The following VWF variants were observed in gnomAD, a reference collection of about 807,000 sequenced individuals.
VWF encodes the protein Factor VIII related antigen.
In VWF, 176 loss-of-function variants were observed where a neutral mutation model predicts 308.6. The ratio of observed to expected loss-of-function variants is 0.57; its 90% CI spans 0.50 to 0.65. The LOEUF (loss-of-function observed/expected upper bound fraction) is 0.65. VWF is among the 30% of genes least tolerant of loss of function. VWF has a pLI of 0.00. For synonymous variants in VWF, 1,385 were observed against 1,443.4 expected (o/e 0.96, Z 0.92); for missense variants, 3,146 against 3,648.2 (o/e 0.86, Z 3.55).
chr12:6,030,817 C>A (rs1217862311), intron 21 of VWF, among the ~76,000 whole-genome samples: 3 of 152,138 alleles, frequency 2.0e-5, no homozygotes, highest in African/African-American at 7.2e-5. Flanking sequence ...CACCTGGGGT[C>A]TGGAGTTCGA....
intron 28 of VWF, among the ~76,000 whole-genome samples, chr12:6,017,873 G>A (rs1944080334): frequency 6.6e-6 from 1 of 152,138 alleles, no homozygotes; most frequent in Non-Finnish European, 1.5e-5. Context: ...AGTGTCTGAA[G>A]ACTGCACCTG....
At chr12:5,980,257 T>TAGGGAGGGAGGGAGGA (rs1943590979) in intron 42 of VWF, among the ~76,000 whole-genome samples, 2 of 45,826 alleles carry the variant, frequency 4.4e-5, no homozygotes, top group African/African-American at 1.7e-4. Context: ...GGAAGTGACG[T>TAGGGAGGGAGGGAGGA]AGGGAGGGAG....
intron 48 of VWF, 129 bp from the exon 49 acceptor site, chr12:5,952,648 T>C (rs757414402): frequency 1.7e-5 from 22 of 1,307,746 alleles, no homozygotes; most frequent in Non-Finnish European, 2.2e-5. Context: ...AGACAGTGTA[T>C]AATAAAGCCC....
chr12:6,092,620 T>TGAGAGAGAGAGAGAGAGAGAGAGAGA (rs1250915385), intron 6 of VWF, among the ~76,000 whole-genome samples: 12 of 89,696 alleles, frequency 1.3e-4, no homozygotes, highest in African/African-American at 6.0e-4. Flanking sequence ...TGAGTGAGAG[T>TGAGAGAGAGAGAGAGAGAGAGAGAGA]GTGTGTGTGT....
rs758991219 is a variant in VWF, at chr12:6,019,630, G to C, written c.3788C>G (p.Ser1263Trp). Residue 1263 changes from serine (S) to tryptophan (W), a missense_variant, in exon 28 of 52, where the codon TCG becomes TGG. Physicochemically the swap from Ser to Trp is radical, Grantham distance 177. Coordinates refer to ENST00000261405, the MANE Select transcript of VWF (RefSeq NM_000552.5). This position sits in a 1 kb window ranked among gnomAD's most constrained non-coding sequence, Gnocchi z 5.8. ...SPTTLYVEDI[S>W]EPPLHDFYCS... ...GTAGAAATCGTGCAACGGCGGTTCC[G>C]AGATGTCCTCCACATACAGAGTGGT... 6.2e-7 allele frequency: 1 copy of C among 1,613,944 alleles called. No homozygotes were observed. The highest frequency in any genetic ancestry group is 1.1e-5 in the South Asian group (1 of 91,072).
At chr12:5,974,345 A>G (rs1943509573) in intron 43 of VWF, among the ~76,000 whole-genome samples, 1 of 152,030 alleles carries the variant, frequency 6.6e-6, no homozygotes, top group Non-Finnish European at 1.5e-5. Context: ...AAGACAGGGC[A>G]CTCGATTCCC....
chr12:6,110,242 T>G (rs1462644471), intron 5 of VWF, 132 bp downstream of exon 5: 1 of 968,030 alleles, frequency 1.0e-6, no homozygotes, highest in Non-Finnish European at 1.7e-6. Context: ...AGAGATAAGG[T>G]TGGCAACATA....
intron 5 of VWF, among the ~76,000 whole-genome samples, chr12:6,109,746 G>C (rs1225676654): frequency 6.6e-6 from 1 of 152,142 alleles, no homozygotes. Context: ...TCCCTCCCGG[G>C]TTCACGCCAT....
rs750364485 is a variant in VWF, at chr12:6,057,885, G to A, written c.1693C>T (p.Gln565Ter). Residue 565 changes from glutamine (Q) to a stop codon, truncating the protein, a stop_gained, in exon 14 of 52, where the codon CAG (glutamine) becomes TAG (stop). Transcript: ENST00000261405. LOFTEE classifies it high-confidence loss of function. ...LHGDCQDLQK[Q>*]HSDPCALNPR... ...TTGAGGGCGCAGGGATCGCTGTGCT[G>A]CTTCTGCAGGTCCTGGCAGTCCCCG... 6.2e-7 allele frequency: 1 copy of A among 1,611,786 alleles called. No homozygotes were observed. Among genetic ancestry groups the A allele is most frequent in the South Asian group, 1.1e-5 (1 of 90,942 alleles).
At chr12:6,111,281 T>C (rs1291873092) in intron 3 of VWF, among the ~76,000 whole-genome samples, 1 of 152,190 alleles carries the variant, frequency 6.6e-6, no homozygotes, top group Admixed American at 6.5e-5. Flanking sequence ...AAGACAAACA[T>C]GCGACAATTG....
At chr12:5,991,105 G>A (rs1943736563) in intron 38 of VWF, among the ~76,000 whole-genome samples, 1 of 149,988 alleles carries the variant, frequency 6.7e-6, no homozygotes, top group Admixed American at 6.7e-5. Flanking sequence ...TAGGATTTTT[G>A]TATTTATGAG....
Position 5,965,820 on chromosome 12 carries a change from G to T in VWF, c.7887+1666C>A, listed in dbSNP as rs187513910. On this transcript the variant is annotated intron_variant, in intron 47 of 51. Transcript: ENST00000261405. ...AGCTAGAACGGGATCAGCAGAGGCC[G>T]GATTCAGCAAGGCTTGAGAGATGCA... Among the ~76,000 whole-genome samples the T allele has an allele frequency of 3.3e-5, 5 of 152,302 alleles. No individual in the cohort carries two copies. In the East Asian group the frequency reaches 9.7e-4, roughly 29 times the overall value.
intron 40 of VWF, among the ~76,000 whole-genome samples, chr12:5,983,844 ATATAGCTTAGATAGAGATAG>A (rs1943641734): frequency 6.8e-6 from 1 of 146,230 alleles, no homozygotes; most frequent in Admixed American, 6.8e-5. Context: ...ATAAATAGAT[ATATAGCTTAGATAGAGATAG>A]GATAGATGAT....
intron 5 of VWF, among the ~76,000 whole-genome samples, chr12:6,103,545 TAC>T (rs139889348): frequency 0.36 from 44,326 of 123,808 alleles, 9,381 homozygotes; most frequent in Middle Eastern, 0.47. Flanking sequence ...CATATATGTA[TAC>T]ACACACACAC....
rs149309674 is a variant in VWF, at chr12:5,949,168, G to A, written c.8289C>T (p.Asp2763=). The A allele has an allele frequency of 1.9e-4, 306 of 1,614,248 alleles. 1 individual carries two copies. The African/African-American group carries it at 3.7e-3, about 19-fold the overall frequency. ...KCASKAMYSI[D]INDVQDQCSC... The stretch of plus-strand genomic sequence containing the variant: ...AGCACTGGTCCTGCACATCGTTGAT[G>A]TCAATGGAGTACATGGCTTTGCTGG... Residue 2763 remains aspartate (D), a synonymous_variant, in exon 52 of 52, where the codon GAC becomes GAT. Coordinates refer to ENST00000261405, the MANE Select transcript of VWF (RefSeq NM_000552.5).
intron 22 of VWF, among the ~76,000 whole-genome samples, chr12:6,028,245 A>G (rs1227606119): frequency 6.6e-6 from 1 of 152,260 alleles, no homozygotes; most frequent in Non-Finnish European, 1.5e-5. Context: ...TAGCAATTTT[A>G]CAAATAGCTC....
chr12:6,018,675 G>A lies in VWF; in HGVS notation c.4743C>T (p.Ala1581=). The change falls in exon 28 of 52, where the codon GCC becomes GCT. Residue 1581 remains alanine (A), a synonymous_variant. Coordinates refer to ENST00000261405, the MANE Select transcript of VWF (RefSeq NM_000552.5). ...AGCTGTGGTCAGAGAGGTACCGCAG[G>A]GCCAGCCCAGTGTTGGTCCTGTTGC... ...QGGNRTNTGL[A]LRYLSDHSFL... 2 of 1,613,778 alleles carry A rather than the reference G, an allele frequency of 1.2e-6. No individual in the cohort carries two copies. The highest frequency in any genetic ancestry group is 1.3e-5 in the African/African-American group (1 of 75,038).
intron 34 of VWF, among the ~76,000 whole-genome samples, chr12:6,001,369 A>G (rs1417995281): frequency 6.6e-6 from 1 of 152,206 alleles, no homozygotes; most frequent in African/African-American, 2.4e-5. Context: ...CAAAGGCAAG[A>G]CCCAACTATT....
chr12:6,008,647 A>G (rs1464883486), intron 34 of VWF, among the ~76,000 whole-genome samples: 1 of 152,188 alleles, frequency 6.6e-6, no homozygotes, highest in Non-Finnish European at 1.5e-5. Context: ...TCTATTCAAC[A>G]TAGTACGAGA....
Sources: gnomAD v4.1 joint callset for allele counts (sites outside exome capture counted in the v4.1 genomes callset) on GRCh38, gnomAD v4.1.1 for gene constraint, Gnocchi (gnomAD v3.1) non-coding constraint, MANE v1.5 for transcripts, NCBI Gene and HGNC (gene_info 2026-07-23, HGNC 2026-07-21) for gene names.